Variants in KCNN2 observed in about 807,000 individuals in gnomAD.
The protein encoded by KCNN2 is small conductance calcium-activated potassium channel protein 2.
In KCNN2, 24 loss-of-function variants were observed where a neutral mutation model predicts 55.5. That is an observed-to-expected ratio of 0.43 (90% CI 0.31 to 0.61). The LOEUF (loss-of-function observed/expected upper bound fraction) is 0.61. KCNN2 is among the 20% of genes least tolerant of loss of function. KCNN2 has a pLI of 0.08. For missense variants in KCNN2, 754 were observed against 853.6 expected, an observed-to-expected ratio of 0.88 and a Z score of 1.45; for synonymous variants, 431 against 336.1, an observed-to-expected ratio of 1.28 and a Z score of -3.09.
At chr5:114,172,284 C>T (rs1242572879) in intron 1 of KCNN2, among the ~76,000 whole-genome samples, 1 of 151,860 alleles carries the variant, frequency 6.6e-6, no homozygotes, top group Admixed American at 6.6e-5. Context: ...TAAATATTAA[C>T]AAAGAAGGTA....
At chr5:114,447,623 C>T (rs1333632259) in intron 3 of KCNN2, among the ~76,000 whole-genome samples, 1 of 152,192 alleles carries the variant, frequency 6.6e-6, no homozygotes, top group Non-Finnish European at 1.5e-5. Flanking sequence ...GCTATTCTCT[C>T]TCCAAGCTTC....
chr5:114,062,955 A>AT (rs1026945177), intron 1 of KCNN2, among the ~76,000 whole-genome samples: 1 of 152,192 alleles, frequency 6.6e-6, no homozygotes, highest in African/African-American at 2.4e-5. Context: ...AACCTGAATG[A>AT]TTTTTGCTAT....
chr5:114,462,185 C>T (rs1761233947), intron 3 of KCNN2, among the ~76,000 whole-genome samples: 1 of 152,126 alleles, frequency 6.6e-6, no homozygotes, highest in Non-Finnish European at 1.5e-5. Flanking sequence ...TGTATAAAAC[C>T]AGTGTCCACA....
intron 2 of KCNN2, among the ~76,000 whole-genome samples, chr5:114,233,875 C>T (rs1303275216): frequency 2.0e-5 from 3 of 152,124 alleles, no homozygotes; most frequent in African/African-American, 4.8e-5. Context: ...TATCAGTCAT[C>T]TTCTCTTGCA....
intron 2 of KCNN2, among the ~76,000 whole-genome samples, chr5:114,320,749 TTC>T (rs1418951829): frequency 6.6e-6 from 1 of 152,234 alleles, no homozygotes; most frequent in Non-Finnish European, 1.5e-5. Flanking sequence ...ATGTATCTTC[TTC>T]TCCATTCATT....
At chr5:114,243,967 A>G (rs752017529) in intron 2 of KCNN2, among the ~76,000 whole-genome samples, 1 of 152,192 alleles carries the variant, frequency 6.6e-6, no homozygotes, top group Non-Finnish European at 1.5e-5. Context: ...CCCAAAAGGA[A>G]GGATTCACTG....
intron 1 of KCNN2, among the ~76,000 whole-genome samples, chr5:114,123,817 A>G (rs1359646734): frequency 1.3e-5 from 2 of 152,058 alleles, no homozygotes; most frequent in Admixed American, 6.5e-5. Flanking sequence ...TCCTTTTTCA[A>G]ATACATGCCT....
intron 1 of KCNN2, among the ~76,000 whole-genome samples, chr5:114,163,615 T>A (rs1282625013): frequency 6.6e-6 from 1 of 152,202 alleles, no homozygotes; most frequent in Non-Finnish European, 1.5e-5. Context: ...TGATGTCTAC[T>A]GCTTTCACTG....
At chr5:114,183,427 T>G (rs1367209590) in intron 1 of KCNN2, among the ~76,000 whole-genome samples, 1 of 152,126 alleles carries the variant, frequency 6.6e-6, no homozygotes, top group Admixed American at 6.5e-5. Context: ...AAGATTATTG[T>G]TGTTACTTTT....
At chr5:114,073,231 A>T (rs749463265) in intron 1 of KCNN2, among the ~76,000 whole-genome samples, 1 of 152,234 alleles carries the variant, frequency 6.6e-6, no homozygotes, top group African/African-American at 2.4e-5. Context: ...ACTGAGGAGT[A>T]TAGCATTCCC....
intron 3 of KCNN2, among the ~76,000 whole-genome samples, chr5:114,406,914 G>C (rs1758953785): frequency 6.6e-6 from 1 of 152,106 alleles, no homozygotes; most frequent in African/African-American, 2.4e-5. Flanking sequence ...CTTCTCTCAT[G>C]CTTAACTGGT....
chr5:114,090,549 C>T (rs977282661), intron 1 of KCNN2, among the ~76,000 whole-genome samples: 3 of 131,894 alleles, frequency 2.3e-5, no homozygotes, highest in East Asian at 2.3e-4. Context: ...CTCTCTTCCT[C>T]TCTCTCTCTC....
At chr5:114,287,448 G>C (rs907088481) in intron 2 of KCNN2, among the ~76,000 whole-genome samples, 1 of 152,146 alleles carries the variant, frequency 6.6e-6, no homozygotes, top group African/African-American at 2.4e-5. Flanking sequence ...GTCCTTTGCA[G>C]GGACATGGAT....
At chr5:114,230,427 T>A (rs1429155367) in intron 2 of KCNN2, among the ~76,000 whole-genome samples, 9 of 133,252 alleles carry the variant, frequency 6.8e-5, no homozygotes, top group South Asian at 2.8e-4. Flanking sequence ...ATGCTATCCC[T>A]CCCCGCTCCC....
intron 2 of KCNN2, among the ~76,000 whole-genome samples, chr5:114,335,389 C>T (rs988754593): frequency 2.0e-5 from 3 of 152,036 alleles, no homozygotes; most frequent in Admixed American, 1.3e-4. Context: ...ACTTAAAGGA[C>T]GTAAAATAAT....
At chr5:114,283,163 C>G (rs917469852) in intron 2 of KCNN2, among the ~76,000 whole-genome samples, 1 of 152,040 alleles carries the variant, frequency 6.6e-6, no homozygotes, top group African/African-American at 2.4e-5. Context: ...CCTTTCCTTT[C>G]CTTCTGAAAC....
intron 1 of KCNN2, among the ~76,000 whole-genome samples, chr5:114,186,264 A>G (rs1246955711): frequency 6.6e-6 from 1 of 152,158 alleles, no homozygotes; most frequent in Non-Finnish European, 1.5e-5. Context: ...TGGGTATAGT[A>G]TGGCAATCCC....
chr5:114,398,930 T>C (rs1758700754), intron 2 of KCNN2, among the ~76,000 whole-genome samples: 1 of 152,124 alleles, frequency 6.6e-6, no homozygotes, highest in African/African-American at 2.4e-5. Context: ...TATTAAATCA[T>C]TGAACTTTTG....
chr5:114,176,895 T>G (rs1308892961), intron 1 of KCNN2, among the ~76,000 whole-genome samples: 1 of 152,124 alleles, frequency 6.6e-6, no homozygotes, highest in African/African-American at 2.4e-5. Flanking sequence ...AATATAGAAC[T>G]TTACCTAGTC....
Sources: allele counts gnomAD v4.1 joint callset (sites outside exome capture counted in the v4.1 genomes callset), GRCh38; gene constraint gnomAD v4.1.1; transcripts MANE v1.5; gene names NCBI Gene and HGNC (gene_info 2026-07-23, HGNC 2026-07-21).